Variants in ADGRB1 observed in about 807,000 individuals in gnomAD.
The protein encoded by ADGRB1 is adhesion G protein-coupled receptor B1.
In ADGRB1, 36 loss-of-function variants were observed where a neutral mutation model predicts 175.7. That is an observed-to-expected ratio of 0.20 (90% CI 0.16 to 0.27). The LOEUF (loss-of-function observed/expected upper bound fraction) is 0.27, where lower values mean the gene tolerates loss of function less well. Among genes scored for constraint, ADGRB1 ranks in the 10% least tolerant of loss-of-function variants. ADGRB1 has a pLI of 1.00. For synonymous variants in ADGRB1, 1,054 were observed against 979.4 expected (o/e 1.08, Z -1.42); for missense variants, 1,731 against 2,255.3 (o/e 0.77, Z 4.71).
chr8:142,512,066 T>C (rs1587379894), intron 18 of ADGRB1, among the ~76,000 whole-genome samples: 1 of 152,144 alleles, frequency 6.6e-6, no homozygotes, highest in Non-Finnish European at 1.5e-5. Flanking sequence ...GGGGGGCAGG[T>C]GATGTTGGCA....
chr8:142,521,846 G>A (rs1410487572), intron 20 of ADGRB1, 119 bp from the exon 21 acceptor site: 11 of 1,202,626 alleles, frequency 9.1e-6, no homozygotes, highest in Non-Finnish European at 1.3e-5. Flanking sequence ...TGGGGACCTG[G>A]TTGGGTCCCA....
chr8:142,520,238 A>ATGG, intron 19 of ADGRB1, among the ~76,000 whole-genome samples: 1 of 138,016 alleles, frequency 7.2e-6, no homozygotes, highest in South Asian at 2.5e-4. Context: ...TGGAGTGATG[A>ATGG]TGGTGATGGT....
chr8:142,482,623 G>A (rs546313012), intron 11 of ADGRB1, among the ~76,000 whole-genome samples: 32 of 148,026 alleles, frequency 2.2e-4, no homozygotes, highest in African/African-American at 5.3e-4. Flanking sequence ...CCTGACCCTC[G>A]TCACATGCTG....
chr8:142,539,675 C>T, intron 27 of ADGRB1: 1 of 571,338 alleles, frequency 1.8e-6, no homozygotes, highest in Non-Finnish European at 3.1e-6. Flanking sequence ...CCCTGGCACT[C>T]CTGCTGAGCA....
intron 13 of ADGRB1, among the ~76,000 whole-genome samples, chr8:142,485,368 T>G (rs4074758): frequency 0.28 from 41,945 of 151,976 alleles, 7,238 homozygotes; most frequent in African/African-American, 0.49. Flanking sequence ...TTTCTCAAAC[T>G]TTCCCTGCCT....
chr8:142,459,442 A>C (rs1005083583), intron 1 of ADGRB1, among the ~76,000 whole-genome samples: 1 of 152,096 alleles, frequency 6.6e-6, no homozygotes, highest in Non-Finnish European at 1.5e-5. Context: ...CCCAGGGTGG[A>C]GCCATTGTTG....
Position 142,542,095 on chromosome 8 carries a change from C to T in ADGRB1, c.3861C>T (p.His1287=). The T allele has an allele frequency of 2.5e-6, 4 of 1,613,372 alleles. No individual in the cohort carries two copies. The highest frequency in any genetic ancestry group is 3.4e-6 in the Non-Finnish European group (4 of 1,179,820). The part of the protein sequence containing the change: ...NSLPANVSKL[H]LHGSPRYPGG... ...TGCCGGCCAACGTGTCCAAGCTGCA[C>T]CTGCACGGCTCACCCCGCTATCCCG... Residue 1287 remains histidine, a synonymous_variant, in exon 28 of 31, where the codon CAC becomes CAT. Transcript: ENST00000517894. The surrounding 1 kb of genome is among the most constrained non-coding windows in gnomAD (Gnocchi z 6.3).
At chr8:142,461,522 T>C (rs1019505553) in intron 1 of ADGRB1, among the ~76,000 whole-genome samples, 7 of 152,152 alleles carry the variant, frequency 4.6e-5, no homozygotes, top group Non-Finnish European at 8.8e-5. Flanking sequence ...CCAGGTGGGA[T>C]GACCGAGGCC....
chr8:142,541,546 C>T (rs1009106541), intron 27 of ADGRB1, among the ~76,000 whole-genome samples: 4 of 152,326 alleles, frequency 2.6e-5, no homozygotes, highest in Admixed American at 6.5e-5. Flanking sequence ...GCGTCGGGAG[C>T]GTTGGAGGGC....
chr8:142,475,857 A>C (rs554718195), intron 3 of ADGRB1, among the ~76,000 whole-genome samples: 1 of 113,970 alleles, frequency 8.8e-6, no homozygotes, highest in African/African-American at 3.4e-5. Context: ...GGAAGAGTGA[A>C]TAGGGTGGGT....
chr8:142,530,121 A>T (rs1422016349), intron 24 of ADGRB1, among the ~76,000 whole-genome samples: 1 of 151,970 alleles, frequency 6.6e-6, no homozygotes, highest in African/African-American at 2.4e-5. Context: ...GTGTGTGTGT[A>T]TAAGTGTGAG....
intron 19 of ADGRB1, 21 bp downstream of exon 19, chr8:142,518,262 G>A: frequency 6.2e-7 from 1 of 1,611,716 alleles, no homozygotes; most frequent in Non-Finnish European, 8.5e-7. Context: ...CCCAGGTGCT[G>A]GGCATGCATG....
chr8:142,505,272 C>G (rs963901231), intron 17 of ADGRB1, among the ~76,000 whole-genome samples: 1 of 152,204 alleles, frequency 6.6e-6, no homozygotes, highest in African/African-American at 2.4e-5. Context: ...GGACAAGCAT[C>G]GTCTAGGCGC....
In ADGRB1 at chr8:142,511,469, C is replaced by G. The variant is rs1414768823; in HGVS notation, c.2817+396C>G. Among the ~76,000 whole-genome samples the G allele has an allele frequency of 6.6e-6, 1 of 152,122 alleles. No individual in the cohort carries two copies. The highest frequency in any genetic ancestry group is 1.5e-5 in the Non-Finnish European group (1 of 68,002). ...CTTTCCCTTGGTCCTCTCCGCCTGC[C>G]AGGGAGAGGGAGGAGGAGGAGCTGC... On this transcript the variant is annotated intron_variant, in intron 18 of 30. Transcript: ENST00000517894. The surrounding 1 kb of genome is among the most constrained non-coding windows in gnomAD (Gnocchi z 4.5).
chr8:142,528,236 G>C (rs549786763), intron 24 of ADGRB1, among the ~76,000 whole-genome samples: 5 of 152,362 alleles, frequency 3.3e-5, no homozygotes, highest in African/African-American at 7.2e-5. Context: ...ACTGGAAGGC[G>C]CAGCGGCCTC....
At chr8:142,480,985 C>T (rs966296478) in intron 9 of ADGRB1, among the ~76,000 whole-genome samples, 2 of 138,164 alleles carry the variant, frequency 1.4e-5, no homozygotes, top group East Asian at 2.1e-4. Flanking sequence ...AGGCCCTGCT[C>T]GGCCGAGATC....
At position 142,479,365 on chromosome 8, in the gene ADGRB1, G is replaced by A; in HGVS notation, c.1604G>A (p.Ser535Asn). The change falls in exon 8 of 31, where the codon AGC becomes AAC. Residue 535 changes from serine to asparagine, a missense_variant. Physicochemically the swap from Ser to Asn is conservative, Grantham distance 46 (BLOSUM62 1). This residue lies in a region of ADGRB1 where 388 missense variants were observed against 630.9 expected (regional missense o/e 0.61). Coordinates refer to ENST00000517894, the MANE Select transcript of ADGRB1 (RefSeq NM_001702.3). ...GCCTGGGCGTCATGGGGCAGTTGCA[G>A]CGTCACGTGTGGGGCTGGCAGCCAG... ...WQAWASWGSC[S>N]VTCGAGSQRR... is the part of the protein sequence containing the mutation. 1 of 1,534,784 alleles carries A rather than the reference G, an allele frequency of 6.5e-7. No individual in the cohort carries two copies. The highest frequency in any genetic ancestry group is 1.2e-5 in the South Asian group (1 of 80,570).
chr8:142,523,725 G>A (rs1374248300), intron 22 of ADGRB1, among the ~76,000 whole-genome samples: 1 of 150,032 alleles, frequency 6.7e-6, no homozygotes, highest in Admixed American at 6.6e-5. Context: ...AGGTTTCCAT[G>A]GGCACCACAG....
At chr8:142,528,126 C>G (rs1004140452) in intron 24 of ADGRB1, among the ~76,000 whole-genome samples, 1 of 152,212 alleles carries the variant, frequency 6.6e-6, no homozygotes, top group Non-Finnish European at 1.5e-5. Flanking sequence ...TGCACGCACA[C>G]CCACACGCAT....
Sources: gnomAD v4.1 joint callset for allele counts (sites outside exome capture counted in the v4.1 genomes callset) on GRCh38, gnomAD v4.1.1 for gene constraint, gnomAD v4.1.1 regional missense constraint, Gnocchi (gnomAD v3.1) non-coding constraint, MANE v1.5 for transcripts, NCBI Gene and HGNC (gene_info 2026-07-23, HGNC 2026-07-21) for gene names.